The following INTU variants were observed in gnomAD, a reference collection of about 807,000 sequenced individuals.
The protein encoded by INTU is protein inturned.
In INTU, 68 loss-of-function variants were observed where a neutral mutation model predicts 100.5. The ratio of observed to expected loss-of-function variants is 0.68; its 90% CI spans 0.56 to 0.83. INTU has a LOEUF of 0.83. Among genes scored for constraint, INTU ranks in the 40% least tolerant of loss-of-function variants. The pLI is 0.00. For synonymous variants in INTU, 357 were observed against 395.7 expected (o/e 0.90, Z 1.16); for missense variants, 1,071 against 1,114.7 (o/e 0.96, Z 0.56).
In INTU at chr4:127,681,549, T is replaced by C. The variant is rs1360096531; in HGVS notation, c.1182-2860T>C. 1.3e-5 allele frequency among the ~76,000 whole-genome samples: 2 copies of C among 152,178 alleles called. 1 individual carries two copies. The highest frequency in any genetic ancestry group is 4.1e-4 in the South Asian group (2 of 4,830). ...TGGTGCTGGGAAAACTGGCTAGCCA[T>C]ATGTAGAAAGCTGAAACTGGATCGC... is the stretch of plus-strand genomic sequence containing the variant. On this transcript the variant is annotated intron_variant, in intron 6 of 15. Transcript: ENST00000335251.
intron 3 of INTU, among the ~76,000 whole-genome samples, chr4:127,657,285 A>G (rs1320474832): frequency 6.6e-6 from 1 of 152,140 alleles, no homozygotes; most frequent in African/African-American, 2.4e-5. Flanking sequence ...AAACATTGAC[A>G]TTGTGTATCG....
chr4:127,645,597 G>A (rs935015858), intron 2 of INTU, among the ~76,000 whole-genome samples: 1 of 151,588 alleles, frequency 6.6e-6, no homozygotes, highest in African/African-American at 2.4e-5. Context: ...TTTTGCTGTT[G>A]TCACTCAGGC....
chr4:127,702,153 A>G (rs930675858), intron 9 of INTU, among the ~76,000 whole-genome samples: 3 of 152,132 alleles, frequency 2.0e-5, no homozygotes, highest in Admixed American at 1.3e-4. Context: ...AATATTTTCT[A>G]TGGTTAAAAA....
intron 6 of INTU, among the ~76,000 whole-genome samples, chr4:127,682,196 C>T (rs552201294): frequency 4.6e-5 from 7 of 152,140 alleles, no homozygotes; most frequent in African/African-American, 7.2e-5. Context: ...GTCAGTGTGG[C>T]GATTGCTCAG....
chr4:127,650,219 A>C (rs1189644980), intron 2 of INTU, among the ~76,000 whole-genome samples: 1 of 151,958 alleles, frequency 6.6e-6, no homozygotes, highest in Non-Finnish European at 1.5e-5. Context: ...TTTTGTTTTA[A>C]TTTTTTAATT....
At chr4:127,683,552 G>A (rs1729679742) in intron 6 of INTU, among the ~76,000 whole-genome samples, 1 of 152,118 alleles carries the variant, frequency 6.6e-6, no homozygotes, top group Admixed American at 6.5e-5. Flanking sequence ...CAGTGCCATA[G>A]ACTGCGTGTT....
chr4:127,653,605 G>T (rs915053938), intron 2 of INTU, among the ~76,000 whole-genome samples: 15 of 152,010 alleles, frequency 9.9e-5, no homozygotes, highest in African/African-American at 3.6e-4. Flanking sequence ...TATAATTTCT[G>T]TCCTTTTACA....
rs531742798 is a variant in INTU, at chr4:127,725,520, G to A, written c.*9084G>A. On this transcript the variant is annotated 3_prime_UTR_variant, in exon 16 of 16. Transcript: ENST00000335251. ...CTAATACTGATAATTATGAATAAAC[G>A]TAGCTGTTGATCACCTCAGGTTTTC... 3.3e-5 allele frequency: 5 copies of A among 152,164 alleles called. No individual in the cohort carries two copies. In the South Asian group the frequency reaches 6.2e-4, roughly 19 times the overall value. 9.4% of individuals were successfully genotyped at this position (152,164 alleles called of 1,614,324 possible).
chr4:127,659,052 T>C (rs1728359138), intron 3 of INTU, among the ~76,000 whole-genome samples: 1 of 152,112 alleles, frequency 6.6e-6, no homozygotes, highest in Non-Finnish European at 1.5e-5. Flanking sequence ...TTTGTGTTCC[T>C]GGGAGAATCT....
intron 6 of INTU, chr4:127,683,726 G>C (rs1486519613): frequency 2.0e-5 from 3 of 152,236 alleles, no homozygotes; most frequent in African/African-American, 7.2e-5. Flanking sequence ...AGGACAGTGT[G>C]GGGTAGTGGG....
intron 11 of INTU, 40 bp from the exon 12 acceptor site, chr4:127,706,447 A>G (rs751412682): frequency 2.6e-6 from 4 of 1,513,656 alleles, no homozygotes; most frequent in Non-Finnish European, 3.6e-6. Flanking sequence ...AAATATTTTC[A>G]TGGTAGCTAA....
rs143078322 is a variant in INTU, at chr4:127,663,145, A to G, written c.769-236A>G. ...TAATTAAATGAATTTTATACAGAAC[A>G]TTATAATTCTTATTCAATAAATATT... On this transcript the variant is annotated intron_variant, in intron 3 of 15. Transcript: ENST00000335251. 2.0e-4 allele frequency among the ~76,000 whole-genome samples: 31 copies of G among 152,302 alleles called. No homozygotes were observed. In the East Asian group the frequency reaches 5.4e-3, roughly 27 times the overall value.
chr4:127,685,121 A>G (rs887948554), intron 7 of INTU, among the ~76,000 whole-genome samples: 5 of 152,080 alleles, frequency 3.3e-5, no homozygotes, highest in African/African-American at 1.2e-4. Flanking sequence ...TATTTTCTAT[A>G]CAATAAAAAT....
chr4:127,680,175 A>G (rs1055355665), intron 6 of INTU, among the ~76,000 whole-genome samples: 27 of 152,286 alleles, frequency 1.8e-4, no homozygotes, highest in Non-Finnish European at 3.5e-4. Flanking sequence ...TACCAGAGGT[A>G]CAAGGAGAAA....
chr4:127,669,055 A>T lies in INTU; in HGVS notation c.992A>T (p.Tyr331Phe). ...TAACAGCAGGAAATTCTTTATCATT[A>T]TCCAATGTCTGAAGCATCTCAGAAA... ...SKEEQEILYH[Y>F]PMSEASQKLK... Residue 331 changes from tyrosine (Y) to phenylalanine (F), a missense_variant, in exon 5 of 16, where the codon TAT (tyrosine) becomes TTT (phenylalanine). Tyr to Phe is a conservative substitution (Grantham distance 22). Transcript: ENST00000335251. 4.0e-6 allele frequency: 6 copies of T among 1,489,484 alleles called. No individual in the cohort carries two copies. Among genetic ancestry groups the T allele is most frequent in the Non-Finnish European group, 5.5e-6 (6 of 1,093,932 alleles). 92.3% of individuals were successfully genotyped at this position (1,489,484 alleles called of 1,614,324 possible).
chr4:127,693,510 A>G (rs1337217416), intron 8 of INTU, among the ~76,000 whole-genome samples: 1 of 152,132 alleles, frequency 6.6e-6, no homozygotes, highest in Non-Finnish European at 1.5e-5. Flanking sequence ...TAGTCATATC[A>G]TTAGCAAACA....
intron 2 of INTU, among the ~76,000 whole-genome samples, chr4:127,651,988 A>G (rs949307973): frequency 7.4e-4 from 110 of 148,732 alleles, no homozygotes; most frequent in Non-Finnish European, 1.4e-3. Context: ...GCAATTGTGA[A>G]TGGGAGTTCA....
At chr4:127,696,326 TG>T (rs1488990629) in intron 8 of INTU, among the ~76,000 whole-genome samples, 4 of 152,210 alleles carry the variant, frequency 2.6e-5, no homozygotes, top group African/African-American at 4.8e-5. Context: ...CATCTGGGCC[TG>T]GTGCATTCTG....
chr4:127,634,665 G>A (rs73847023), intron 1 of INTU, among the ~76,000 whole-genome samples: 3,807 of 152,178 alleles, frequency 0.025, 151 homozygotes, highest in African/African-American at 0.087. Flanking sequence ...CACTAATCAC[G>A]CCACATGTTC....
Sources: gnomAD v4.1 joint callset for allele counts (sites outside exome capture counted in the v4.1 genomes callset) on GRCh38, gnomAD v4.1.1 for gene constraint, MANE v1.5 for transcripts, NCBI Gene and HGNC (gene_info 2026-07-23, HGNC 2026-07-21) for gene names.